LRRTM4: variants seen among roughly 807,000 people sequenced by gnomAD.
The protein encoded by LRRTM4 is leucine rich repeat transmembrane neuronal 4.
LRRTM4 carries 25 observed loss-of-function variants against 47.6 expected under a neutral mutation model. The ratio of observed to expected loss-of-function variants is 0.53; its 90% CI spans 0.38 to 0.73. The LOEUF is 0.73. LRRTM4 is among the 30% of genes least tolerant of loss of function. The probability of loss-of-function intolerance (pLI) is 0.00; values close to 1 mark genes in which losing one functional copy is unlikely to be tolerated. For missense variants in LRRTM4, 638 were observed against 713.4 expected (o/e 0.89, Z 1.20); for synonymous variants, 311 against 269.5 (o/e 1.15, Z -1.51).
intron 3 of LRRTM4, among the ~76,000 whole-genome samples, chr2:77,146,425 T>A (rs1383498545): frequency 6.6e-6 from 1 of 152,174 alleles, no homozygotes; most frequent in Non-Finnish European, 1.5e-5. Flanking sequence ...AATATGATAC[T>A]AGGTTCATTC....
At chr2:76,893,591 C>A (rs183688490) in intron 3 of LRRTM4, among the ~76,000 whole-genome samples, 100 of 151,408 alleles carry the variant, frequency 6.6e-4, no homozygotes, top group African/African-American at 2.3e-3. Context: ...AAACTAAGTC[C>A]TCTCCTACAG....
intron 3 of LRRTM4, among the ~76,000 whole-genome samples, chr2:77,434,753 C>T (rs1675524116): frequency 2.6e-5 from 4 of 152,056 alleles, no homozygotes; most frequent in Admixed American, 6.6e-5. Context: ...GTCAGTAAAG[C>T]ATAGTGATTT....
chr2:77,080,316 T>G (rs2103853535), intron 3 of LRRTM4, among the ~76,000 whole-genome samples: 1 of 152,294 alleles, frequency 6.6e-6, no homozygotes, highest in Middle Eastern at 3.4e-3. Context: ...ATGTTAACTG[T>G]CAGTTTCCTT....
intron 3 of LRRTM4, among the ~76,000 whole-genome samples, chr2:76,921,622 A>G (rs1322517268): frequency 2.0e-5 from 3 of 152,048 alleles, no homozygotes; most frequent in Non-Finnish European, 4.4e-5. Context: ...CCATCTTTTT[A>G]TACCATTAAG....
intron 3 of LRRTM4, among the ~76,000 whole-genome samples, chr2:77,121,434 A>T (rs1023953425): frequency 2.0e-5 from 3 of 151,842 alleles, no homozygotes; most frequent in African/African-American, 7.2e-5. Flanking sequence ...CAAAGTATTA[A>T]GATAAGACAT....
At chr2:77,435,010 A>AT (rs1675534378) in intron 3 of LRRTM4, among the ~76,000 whole-genome samples, 1 of 151,888 alleles carries the variant, frequency 6.6e-6, no homozygotes, top group Non-Finnish European at 1.5e-5. Context: ...GGGTCATACA[A>AT]TTTTTTGTTC....
intron 3 of LRRTM4, among the ~76,000 whole-genome samples, chr2:77,326,805 G>C (rs72809167): frequency 6.6e-6 from 1 of 152,286 alleles, no homozygotes; most frequent in Non-Finnish European, 1.5e-5. Flanking sequence ...GAAAGACAAC[G>C]TGTTATATCC....
At chr2:76,985,504 G>T (rs951749862) in intron 3 of LRRTM4, among the ~76,000 whole-genome samples, 1 of 151,918 alleles carries the variant, frequency 6.6e-6, no homozygotes, top group Non-Finnish European at 1.5e-5. Context: ...GCAAACAAGG[G>T]TCATCACTTT....
chr2:77,373,220 CTT>C (rs1346192608), intron 3 of LRRTM4, among the ~76,000 whole-genome samples: 1 of 150,102 alleles, frequency 6.7e-6, no homozygotes, highest in African/African-American at 2.4e-5. Flanking sequence ...TGATAGGCAA[CTT>C]GTAATAGGGA....
At chr2:76,965,694 C>T (rs542002686) in intron 3 of LRRTM4, among the ~76,000 whole-genome samples, 1 of 151,400 alleles carries the variant, frequency 6.6e-6, no homozygotes, top group Non-Finnish European at 1.5e-5. Context: ...TTACGCTTTT[C>T]ACTAGGCATT....
intron 3 of LRRTM4, among the ~76,000 whole-genome samples, chr2:76,886,253 C>A (rs1335218548): frequency 1.3e-5 from 2 of 152,040 alleles, no homozygotes; most frequent in Non-Finnish European, 2.9e-5. Context: ...TAACAATGAG[C>A]AATAGTCATT....
chr2:77,359,093 C>T (rs983731047), intron 3 of LRRTM4, among the ~76,000 whole-genome samples: 5 of 152,054 alleles, frequency 3.3e-5, no homozygotes, highest in African/African-American at 9.7e-5. Context: ...TTTTTAAAGT[C>T]TTACATAATA....
chr2:76,917,365 C>T (rs1674287992), intron 3 of LRRTM4, among the ~76,000 whole-genome samples: 1 of 152,082 alleles, frequency 6.6e-6, no homozygotes, highest in Non-Finnish European at 1.5e-5. Context: ...CAGTCATTCT[C>T]AAAAACAGTC....
chr2:77,168,831 T>G (rs1672963676), intron 3 of LRRTM4, among the ~76,000 whole-genome samples: 1 of 152,276 alleles, frequency 6.6e-6, no homozygotes, highest in East Asian at 1.9e-4. Context: ...TCACTTAACA[T>G]AATGAACTTC....
At chr2:77,011,745 C>G (rs1677884496) in intron 3 of LRRTM4, among the ~76,000 whole-genome samples, 2 of 151,988 alleles carry the variant, frequency 1.3e-5, no homozygotes, top group African/African-American at 4.8e-5. Context: ...TTAACATTAT[C>G]TTATTGGGGT....
chr2:77,164,940 A>G (rs2103818657), intron 3 of LRRTM4, among the ~76,000 whole-genome samples: 1 of 152,310 alleles, frequency 6.6e-6, no homozygotes, highest in South Asian at 2.1e-4. Flanking sequence ...AAAAGCTAGC[A>G]GAAGGCAAGA....
intron 3 of LRRTM4, among the ~76,000 whole-genome samples, chr2:77,322,949 A>G (rs1266582410): frequency 2.0e-5 from 3 of 151,858 alleles, no homozygotes; most frequent in African/African-American, 4.8e-5. Flanking sequence ...TAATAAAAAC[A>G]CTACAATAGT....
intron 3 of LRRTM4, among the ~76,000 whole-genome samples, chr2:77,309,166 G>A (rs1402116839): frequency 1.3e-5 from 2 of 152,104 alleles, no homozygotes; most frequent in Non-Finnish European, 2.9e-5. Flanking sequence ...ACTCAGAAAT[G>A]CAGACCCTGA....
intron 3 of LRRTM4, among the ~76,000 whole-genome samples, chr2:76,980,307 C>G (rs1676561743): frequency 1.3e-5 from 2 of 152,040 alleles, no homozygotes; most frequent in Admixed American, 1.3e-4. Context: ...TTTCTGTGAA[C>G]ATCCCTGTAG....
Sources: allele counts gnomAD v4.1 joint callset (sites outside exome capture counted in the v4.1 genomes callset), GRCh38; gene constraint gnomAD v4.1.1; transcripts MANE v1.5; gene names NCBI Gene and HGNC (gene_info 2026-07-23, HGNC 2026-07-21).